CA13: variants seen among roughly 807,000 people sequenced by gnomAD.
CA13 encodes the protein CA-XIII.
A neutral mutation model predicts 31.5 loss-of-function variants in CA13; 21 were observed. The observed-to-expected ratio is 0.67, with a 90% CI of 0.47 to 0.96. The LOEUF is 0.96. Ranked by LOEUF, CA13 falls within the 40% of genes least tolerant of loss-of-function variation. The pLI, the probability that CA13 is intolerant of heterozygous loss-of-function variation, is 0.00. For synonymous variants in CA13, 117 were observed against 111.4 expected, an observed-to-expected ratio of 1.05 and a Z score of -0.32; for missense variants, 315 against 318.9, an observed-to-expected ratio of 0.99 and a Z score of 0.09.
Position 85,249,790 on chromosome 8 carries a change from G to A in CA13, c.38-950G>A, listed in dbSNP as rs761089986. Reference sequence around the variant, plus strand: ...AGAATAAGAACCTATAACCTATAAAGTGACTCACATCTGTAGAATGACATG... The same window carrying A: ...AGAATAAGAACCTATAACCTATAAAATGACTCACATCTGTAGAATGACATG... On this transcript the variant is annotated intron_variant, in intron 1 of 6. Transcript: ENST00000321764. 1.5e-4 allele frequency: 68 copies of A among 444,034 alleles called. 1 individual carries two copies. Among genetic ancestry groups the A allele is most frequent in the South Asian group, 1.1e-3 (66 of 61,772 alleles). 27.5% of individuals were successfully genotyped at this position (444,034 alleles called of 1,614,324 possible). A position where few individuals can be genotyped will look rare whatever the true frequency, so the allele number is the denominator to read the frequency against.
chr8:85,281,626 C>G lies in CA13; in HGVS notation c.*277C>G. 2.1e-6 allele frequency: 1 copy of G among 482,946 alleles called. No homozygotes were observed. Among genetic ancestry groups the G allele is most frequent in the East Asian group, 7.7e-5 (1 of 12,922 alleles). 29.9% of individuals were successfully genotyped at this position (482,946 alleles called of 1,614,324 possible). A position where few individuals can be genotyped will look rare whatever the true frequency, so the allele number is the denominator to read the frequency against. On this transcript the variant is annotated 3_prime_UTR_variant, in exon 7 of 7. Coordinates refer to ENST00000321764, the MANE Select transcript of CA13 (RefSeq NM_198584.3). ...CTCCTGGACTCAAGTGATCCTCCCA[C>G]CTCAGCCTCCAGAGTAAGTAGGACC...
Position 85,250,840 on chromosome 8 carries a change from A to C in CA13, c.138A>C (p.Arg46=). The C allele has an allele frequency of 6.2e-7, 1 of 1,613,966 alleles. No individual in the cohort carries two copies. Among genetic ancestry groups the C allele is most frequent in the Non-Finnish European group, 8.5e-7 (1 of 1,179,908 alleles). The part of the protein sequence containing the change: ...TKEVKYDSSL[R]PLSIKYDPSS... ...AAGTGAAATATGACTCTTCCCTCCG[A>C]CCACTTAGTATCAAGTATGACCCAA... The change falls in exon 2 of 7, where the codon CGA becomes CGC. Residue 46 remains arginine (R), a synonymous_variant. Coordinates refer to ENST00000321764, the MANE Select transcript of CA13 (RefSeq NM_198584.3).
At chr8:85,259,377 A>C (rs778475462) in intron 2 of CA13, 44 bp from the exon 3 acceptor site, 2 of 1,503,558 alleles carry the variant, frequency 1.3e-6, no homozygotes, top group East Asian at 4.5e-5. Flanking sequence ...AGCTTATGTA[A>C]ATATTTTTTC....
chr8:85,268,666 A>G, intron 6 of CA13, 39 bp downstream of exon 6: 1 of 1,461,156 alleles, frequency 6.8e-7, no homozygotes, highest in Non-Finnish European at 9.2e-7. Context: ...ATTCCCTCAG[A>G]GGAAACTGGG....
intron 1 of CA13, chr8:85,246,312 T>G (rs1189568281): frequency 2.2e-6 from 1 of 455,666 alleles, no homozygotes; most frequent in Non-Finnish European, 4.4e-6. Flanking sequence ...TTTAAAAATA[T>G]ATTTAGGAAA....
At chr8:85,249,896 T>C (rs992971913) in intron 1 of CA13, 10 of 426,602 alleles carry the variant, frequency 2.3e-5, no homozygotes, top group African/African-American at 1.9e-4. Context: ...TGAAGAGGAT[T>C]GAAAAGGGAA....
At chr8:85,261,037 T>C (rs28439950) in intron 3 of CA13, among the ~76,000 whole-genome samples, 94,259 of 152,090 alleles carry the variant, frequency 0.62, 29,700 homozygotes, top group Non-Finnish European at 0.65. Context: ...GCTCAGAGTC[T>C]TTACCTGCAG....
intron 1 of CA13, chr8:85,246,630 C>A: frequency 2.6e-6 from 1 of 389,318 alleles, no homozygotes; most frequent in South Asian, 1.9e-5. Flanking sequence ...TCTTGTATAT[C>A]ACACATTATC....
intron 3 of CA13, among the ~76,000 whole-genome samples, chr8:85,265,896 AAT>A (rs1266755246): frequency 2.0e-5 from 3 of 152,214 alleles, no homozygotes; most frequent in Admixed American, 2.0e-4. Context: ...TCAAGCCATA[AAT>A]AGTCTTAAAA....
chr8:85,266,546 C>A, intron 3 of CA13, 62 bp from the exon 4 acceptor site: 1 of 1,247,624 alleles, frequency 8.0e-7, no homozygotes, highest in Non-Finnish European at 1.2e-6. Flanking sequence ...GTTTTATTTG[C>A]ATTTATGTTT....
At chr8:85,258,846 A>G (rs1807338429) in intron 2 of CA13, among the ~76,000 whole-genome samples, 1 of 139,694 alleles carries the variant, frequency 7.2e-6, no homozygotes, top group Non-Finnish European at 1.5e-5. Flanking sequence ...CTAAAGTGGG[A>G]GGATGACTTG....
Position 85,245,682 on chromosome 8 carries a change from C to T in CA13, c.-147C>T. 1 of 850,502 alleles carries T rather than the reference C, an allele frequency of 1.2e-6. No individual in the cohort carries two copies. Among genetic ancestry groups the T allele is most frequent in the South Asian group, 1.6e-5 (1 of 64,056 alleles). 52.7% of individuals were successfully genotyped at this position (850,502 alleles called of 1,614,324 possible). A position where few individuals can be genotyped will look rare whatever the true frequency, so the allele number is the denominator to read the frequency against. ...GCCGTCTGGAGGACGCAGGCGGGAG[C>T]GCCCCGGACCGGGTTCACGGTCTCG... On this transcript the variant is annotated 5_prime_UTR_variant, in exon 1 of 7. Transcript: ENST00000321764.
chr8:85,274,864 C>T (rs1435334644), intron 6 of CA13, among the ~76,000 whole-genome samples: 1 of 152,220 alleles, frequency 6.6e-6, no homozygotes, highest in Non-Finnish European at 1.5e-5. Flanking sequence ...CTCCCTTCTA[C>T]CTCCAAGGAT....
Position 85,259,515 on chromosome 8 carries a change from A to T in CA13, c.330A>T (p.Val110=), listed in dbSNP as rs756431566. Residue 110 remains valine, a synonymous_variant, in exon 3 of 7, where the codon GTA becomes GTT. Coordinates refer to ENST00000321764, the MANE Select transcript of CA13 (RefSeq NM_198584.3). The part of the protein sequence containing the change: ...SADDHGSEHI[V]DGVSYAAELH... ...ATGACCACGGCTCCGAGCACATAGT[A>T]GATGGAGTGAGCTATGCTGCAGAGG... The T allele has an allele frequency of 6.2e-7, 1 of 1,613,890 alleles. No homozygotes were observed. Among genetic ancestry groups the T allele is most frequent in the South Asian group, 1.1e-5 (1 of 91,080 alleles).
At chr8:85,277,248 G>A (rs1263220045) in intron 6 of CA13, among the ~76,000 whole-genome samples, 1 of 152,128 alleles carries the variant, frequency 6.6e-6, no homozygotes, top group East Asian at 1.9e-4. Flanking sequence ...TTTATGAGCT[G>A]CAACACTCAC....
chr8:85,263,726 G>GT (rs1481773548), intron 3 of CA13, among the ~76,000 whole-genome samples: 1 of 152,120 alleles, frequency 6.6e-6, no homozygotes. Context: ...TTTTAGACAG[G>GT]TTAAGTTTGA....
intron 6 of CA13, 91 bp from the exon 7 acceptor site, chr8:85,281,139 C>T: frequency 7.0e-6 from 10 of 1,431,374 alleles, no homozygotes; most frequent in South Asian, 6.0e-5. Flanking sequence ...TTTTTTGTTC[C>T]TGGTTATAGA....
At chr8:85,277,745 C>T (rs188765715) in intron 6 of CA13, among the ~76,000 whole-genome samples, 83 of 151,920 alleles carry the variant, frequency 5.5e-4, no homozygotes, top group Middle Eastern at 3.4e-3. Flanking sequence ...TGGCATCAGC[C>T]GGAAGTGAGG....
At chr8:85,253,312 T>C (rs888710044) in intron 2 of CA13, among the ~76,000 whole-genome samples, 7 of 151,954 alleles carry the variant, frequency 4.6e-5, no homozygotes, top group African/African-American at 1.7e-4. Flanking sequence ...TTGCCTAGGC[T>C]GGAGTGCAGT....
Sources: gnomAD v4.1 joint callset for allele counts (sites outside exome capture counted in the v4.1 genomes callset) on GRCh38, gnomAD v4.1.1 for gene constraint, MANE v1.5 for transcripts, NCBI Gene and HGNC (gene_info 2026-07-23, HGNC 2026-07-21) for gene names.